Variants in ST13 observed in about 807,000 individuals in gnomAD.
ST13 encodes the protein hsc70-interacting protein.
A neutral mutation model predicts 56.7 loss-of-function variants in ST13; 23 were observed. The observed-to-expected ratio is 0.41, with a 90% CI of 0.29 to 0.57. ST13 has a LOEUF of 0.57. Among genes scored for constraint, ST13 ranks in the 20% least tolerant of loss-of-function variants. The probability of loss-of-function intolerance (pLI) is 0.36; values close to 1 mark genes in which losing one functional copy is unlikely to be tolerated. For synonymous variants in ST13, 132 were observed against 142.4 expected (o/e 0.93, Z 0.52); for missense variants, 369 against 459.9 (o/e 0.80, Z 1.81).
At chr22:40,856,351 G>C in intron 1 of ST13, 80 bp downstream of exon 1, 1 of 1,294,852 alleles carries the variant, frequency 7.7e-7, no homozygotes, top group Non-Finnish European at 1.1e-6. Context: ...CTCGCCCGCC[G>C]GACCGAGCCA....
chr22:40,824,667 T>G lies in ST13; in HGVS notation c.*1871A>C, dbSNP rs1184270715. 6.6e-6 allele frequency: 1 copy of G among 152,190 alleles called. No individual in the cohort carries two copies. Among genetic ancestry groups the G allele is most frequent in the Non-Finnish European group, 1.5e-5 (1 of 68,022 alleles). 9.4% of individuals were successfully genotyped at this position (152,190 alleles called of 1,614,324 possible). On this transcript the variant is annotated 3_prime_UTR_variant, in exon 12 of 12. Transcript: ENST00000216218. ...AATATTAGAATATAATTAGGTTAAA[T>G]AAATCAAATAAGGAATCCAGAAGAA...
At chr22:40,840,298 A>G (rs926541275) in intron 5 of ST13, among the ~76,000 whole-genome samples, 21 of 151,898 alleles carry the variant, frequency 1.4e-4, no homozygotes, top group African/African-American at 4.1e-4. Context: ...CAAGGGTATT[A>G]GTATGTAAAA....
intron 3 of ST13, 72 bp from the exon 4 acceptor site, chr22:40,844,981 AACTG>A: frequency 9.7e-7 from 1 of 1,033,168 alleles, no homozygotes; most frequent in South Asian, 1.5e-5. Context: ...GATTATTAAA[AACTG>A]ACATACTATG....
intron 4 of ST13, among the ~76,000 whole-genome samples, chr22:40,842,562 G>A (rs967858841): frequency 1.3e-5 from 2 of 152,138 alleles, no homozygotes; most frequent in Non-Finnish European, 2.9e-5. Flanking sequence ...TCAGCAGAGA[G>A]TGATAAAGAA....
Position 40,844,742 on chromosome 22 carries a change from T to C in ST13, c.315+97A>G, listed in dbSNP as rs188896554. Reference sequence around the variant, plus strand: ...CCTGAAGTCAGAGAAAGATTTACTATGCGCTTTTCCTGGAAGAATCGTGTC... The same window carrying C: ...CCTGAAGTCAGAGAAAGATTTACTACGCGCTTTTCCTGGAAGAATCGTGTC... On this transcript the variant is annotated intron_variant, in intron 4 of 11. Transcript: ENST00000216218. 33 of 1,013,170 alleles carry C rather than the reference T, an allele frequency of 3.3e-5. No individual in the cohort carries two copies. The African/African-American group carries it at 4.2e-4, about 13-fold the overall frequency. The allele number at this position is 1,013,170 out of a possible 1,614,324, so 62.8% of individuals were successfully genotyped here.
At chr22:40,840,741 G>A (rs183351374) in intron 4 of ST13, 49 bp from the exon 5 acceptor site, 2 of 1,497,794 alleles carry the variant, frequency 1.3e-6, no homozygotes, top group African/African-American at 1.4e-5. Context: ...AGAGAGAGAA[G>A]GAAGCAATTC....
At chr22:40,837,894 C>T (rs1023686723) in intron 5 of ST13, among the ~76,000 whole-genome samples, 2 of 152,166 alleles carry the variant, frequency 1.3e-5, no homozygotes, top group African/African-American at 2.4e-5. Context: ...GAGATCCTTT[C>T]GCTTCGGCCC....
intron 3 of ST13, among the ~76,000 whole-genome samples, chr22:40,847,675 C>A (rs573010363): frequency 3.3e-5 from 5 of 151,280 alleles, no homozygotes; most frequent in Admixed American, 2.6e-4. Context: ...AAATGTAAAA[C>A]CTGAATTGAG....
intron 7 of ST13, among the ~76,000 whole-genome samples, chr22:40,834,103 C>A (rs1045492728): frequency 6.6e-6 from 1 of 152,010 alleles, no homozygotes; most frequent in Non-Finnish European, 1.5e-5. Context: ...AGGCGAAACC[C>A]CCTCTCTACC....
intron 4 of ST13, among the ~76,000 whole-genome samples, chr22:40,844,472 T>C (rs2057820985): frequency 1.3e-5 from 2 of 151,932 alleles, no homozygotes; most frequent in Non-Finnish European, 2.9e-5. Flanking sequence ...TTTTAAGCCC[T>C]CCTCCCAAGA....
rs757482172 is a variant in ST13, at chr22:40,827,153, A to G, written c.924T>C (p.Ala308=). The change falls in exon 11 of 12, where the codon GCT becomes GCC. Residue 308 remains alanine, a synonymous_variant. Transcript: ENST00000216218. ...PGMGGGMPGM[A]GMPGLNEILS... ...GAATTTCATTGAGTCCAGGCATTCC[A>G]GCCATTCCAGGCATGCCCCCTCCCA... 6.2e-6 allele frequency: 10 copies of G among 1,612,578 alleles called. No homozygotes were observed. The highest frequency in any genetic ancestry group is 4.2e-6 in the Non-Finnish European group (5 of 1,179,994).
chr22:40,848,833 A>G lies in ST13; in HGVS notation c.169-464T>C, dbSNP rs1166546861. Among the ~76,000 whole-genome samples, 3 of 152,246 alleles carry G rather than the reference A, an allele frequency of 2.0e-5. No homozygotes were observed. In the East Asian group the frequency reaches 5.8e-4, roughly 29 times the overall value. Reference sequence around the variant, plus strand: ...AAATAGCCTCATGTCCACTCACATTATATTTTATTGCCAAATTTAGTAAAA... The same window carrying G: ...AAATAGCCTCATGTCCACTCACATTGTATTTTATTGCCAAATTTAGTAAAA... On this transcript the variant is annotated intron_variant, in intron 2 of 11. Transcript: ENST00000216218.
intron 3 of ST13, among the ~76,000 whole-genome samples, chr22:40,845,313 A>G (rs2057825456): frequency 2.0e-5 from 3 of 152,182 alleles, no homozygotes; most frequent in Admixed American, 2.0e-4. Context: ...GTAAATCAAA[A>G]TATTTTAATA....
Position 40,835,901 on chromosome 22 carries a change from A to G in ST13, c.383-14T>C, listed in dbSNP as rs2057774999. 1.3e-6 allele frequency: 2 copies of G among 1,590,228 alleles called. No individual in the cohort carries two copies. The highest frequency in any genetic ancestry group is 8.6e-7 in the Non-Finnish European group (1 of 1,162,920). On this transcript the variant is annotated splice_polypyrimidine_tract_variant and intron_variant, in intron 5 of 11. Transcript: ENST00000216218. The stretch of plus-strand genomic sequence containing the variant: ...TCTGGAGTTCACCTAAAGTGAAACA[A>G]AAGTTATCGAGAAATATTCAGAGGA...
intron 1 of ST13, among the ~76,000 whole-genome samples, chr22:40,852,504 C>T (rs367636357): frequency 6.6e-6 from 1 of 152,100 alleles, no homozygotes; most frequent in South Asian, 2.1e-4. Flanking sequence ...ATCTGAGAAT[C>T]CCAATATGAA....
intron 7 of ST13, 51 bp from the exon 8 acceptor site, chr22:40,832,722 T>A (rs943541770): frequency 3.8e-6 from 5 of 1,311,212 alleles, no homozygotes; most frequent in Non-Finnish European, 5.4e-6. Context: ...TATTCACCTA[T>A]GTGGCATGAT....
At chr22:40,838,499 A>G (rs1302574327) in intron 5 of ST13, among the ~76,000 whole-genome samples, 1 of 151,890 alleles carries the variant, frequency 6.6e-6, no homozygotes, top group Non-Finnish European at 1.5e-5. Flanking sequence ...AGTGCCTCAC[A>G]CCTGTAATCC....
At chr22:40,829,094 T>C (rs960202056) in intron 10 of ST13, among the ~76,000 whole-genome samples, 1 of 152,218 alleles carries the variant, frequency 6.6e-6, no homozygotes, top group Non-Finnish European at 1.5e-5. Flanking sequence ...TGTTTTCTGT[T>C]GCTGTGCACA....
chr22:40,848,592 A>G (rs1360331606), intron 2 of ST13, among the ~76,000 whole-genome samples: 1 of 152,060 alleles, frequency 6.6e-6, no homozygotes, highest in Non-Finnish European at 1.5e-5. Context: ...TAAAAATACA[A>G]ATTAGCCGGA....
Sources: gnomAD v4.1 joint callset for allele counts (sites outside exome capture counted in the v4.1 genomes callset) on GRCh38, gnomAD v4.1.1 for gene constraint, MANE v1.5 for transcripts, NCBI Gene and HGNC (gene_info 2026-07-23, HGNC 2026-07-21) for gene names.